Variants in GNPAT observed in about 807,000 individuals in gnomAD.
GNPAT encodes glyceronephosphate O-acyltransferase.
A neutral mutation model predicts 78.4 loss-of-function variants in GNPAT; 30 were observed. That is an observed-to-expected ratio of 0.38 (90% CI 0.29 to 0.52). GNPAT has a LOEUF of 0.52. Ranked by LOEUF, GNPAT falls within the 20% of genes least tolerant of loss-of-function variation. The pLI is 0.84. For synonymous variants in GNPAT, 271 were observed against 281.1 expected, an observed-to-expected ratio of 0.96 and a Z score of 0.36; for missense variants, 714 against 812.2, an observed-to-expected ratio of 0.88 and a Z score of 1.47.
chr1:231,247,591 G>A (rs959321200), intron 1 of GNPAT, among the ~76,000 whole-genome samples: 4 of 152,162 alleles, frequency 2.6e-5, no homozygotes, highest in Non-Finnish European at 4.4e-5. Flanking sequence ...AGTGCGGAAG[G>A]AGCATTTGTA....
chr1:231,255,410 C>A (rs1409450795), intron 2 of GNPAT, among the ~76,000 whole-genome samples: 1 of 152,078 alleles, frequency 6.6e-6, no homozygotes, highest in East Asian at 1.9e-4. Context: ...CCTCTCTCCT[C>A]CTCTTTTAAG....
intron 4 of GNPAT, among the ~76,000 whole-genome samples, chr1:231,263,412 CTG>C (rs1263272416): frequency 6.6e-6 from 1 of 152,120 alleles, no homozygotes; most frequent in African/African-American, 2.4e-5. Context: ...CTTTCTGTCT[CTG>C]TGAACTACTC....
chr1:231,273,494 G>A (rs1011184970), intron 11 of GNPAT, among the ~76,000 whole-genome samples: 1 of 151,938 alleles, frequency 6.6e-6, no homozygotes, highest in East Asian at 1.9e-4. Context: ...TTCATGATCC[G>A]CCCGCCTCAG....
At position 231,267,629 on chromosome 1, in the gene GNPAT, T is replaced by G. The variant is rs767246197; in HGVS notation, c.1056-51T>G. 6.8e-6 allele frequency: 7 copies of G among 1,033,920 alleles called. No individual in the cohort carries two copies. In the South Asian group the frequency reaches 8.8e-5, roughly 13 times the overall value. 64.0% of individuals were successfully genotyped at this position (1,033,920 alleles called of 1,614,324 possible). A position where few individuals can be genotyped will look rare whatever the true frequency, so the allele number is the denominator to read the frequency against. ...CGTCTAGAGTCTTTTTCCATCCCCA[T>G]TTGTCTAAGTAACAGAACTGTAATT... On this transcript the variant is annotated intron_variant, in intron 8 of 15. Coordinates refer to ENST00000366647, the MANE Select transcript of GNPAT (RefSeq NM_014236.4).
chr1:231,270,092 A>G (rs1386987739), intron 9 of GNPAT: 1 of 154,570 alleles, frequency 6.5e-6, no homozygotes. Context: ...GCTCAGGTTA[A>G]CTGCAGAATA....
chr1:231,274,163 C>T, intron 12 of GNPAT, 101 bp downstream of exon 12: 2 of 1,035,940 alleles, frequency 1.9e-6, no homozygotes, highest in Non-Finnish European at 3.0e-6. Flanking sequence ...AGGTATCTTC[C>T]CCAGGCAAAT....
intron 1 of GNPAT, among the ~76,000 whole-genome samples, chr1:231,247,202 G>A (rs561660178): frequency 5.9e-5 from 9 of 152,132 alleles, no homozygotes; most frequent in African/African-American, 2.2e-4. Flanking sequence ...TCGGGTAAGG[G>A]CCAGAATGGG....
chr1:231,277,150 T>C (rs1685740822), intron 15 of GNPAT, among the ~76,000 whole-genome samples: 1 of 152,190 alleles, frequency 6.6e-6, no homozygotes, highest in African/African-American at 2.4e-5. Flanking sequence ...AAGAGGTGCA[T>C]ATACCTAAAA....
chr1:231,248,577 AAAACTT>A (rs1445568057), intron 1 of GNPAT, among the ~76,000 whole-genome samples: 5 of 152,140 alleles, frequency 3.3e-5, no homozygotes, highest in Admixed American at 1.3e-4. Flanking sequence ...GAAAAAAAAA[AAAACTT>A]AAATGTAAAA....
At chr1:231,250,253 A>C (rs968040207) in intron 1 of GNPAT, among the ~76,000 whole-genome samples, 1 of 151,936 alleles carries the variant, frequency 6.6e-6, no homozygotes, top group Non-Finnish European at 1.5e-5. Context: ...ATGCCCAGCC[A>C]AGACTGTCTC....
intron 2 of GNPAT, chr1:231,258,423 CCT>C (rs1424296060): frequency 2.0e-5 from 3 of 152,144 alleles, no homozygotes; most frequent in Non-Finnish European, 2.9e-5. Flanking sequence ...TAGCCACACC[CCT>C]GTGGTCGGAA....
At chr1:231,277,202 T>TA (rs1685742709) in intron 15 of GNPAT, among the ~76,000 whole-genome samples, 1 of 152,168 alleles carries the variant, frequency 6.6e-6, no homozygotes, top group Non-Finnish European at 1.5e-5. Flanking sequence ...CGGAATCAAT[T>TA]ACTTAATCAC....
At chr1:231,267,636 A>G in intron 8 of GNPAT, 44 bp from the exon 9 acceptor site, 5 of 1,091,206 alleles carry the variant, frequency 4.6e-6, no homozygotes, top group Non-Finnish European at 7.1e-6. Context: ...CCATTTGTCT[A>G]AGTAACAGAA....
rs1001626197 is a variant in GNPAT, at chr1:231,270,979, A to G, written c.1501A>G (p.Met501Val). ...ATCCTTAGTAGCAGTAGCATTGCAG[A>G]TGACACCAGGGTTCAGGAAAGGTAA... Reference protein sequence around the residue: ...RPSLVAVALQMTPGFRKEDVY... With the variant: ...RPSLVAVALQVTPGFRKEDVY... The change falls in exon 10 of 16, where the codon ATG becomes GTG. Residue 501 changes from methionine to valine, a missense_variant. By Grantham distance (21) the Met-to-Val change is conservative. Transcript: ENST00000366647. The G allele has an allele frequency of 2.5e-6, 4 of 1,614,182 alleles. No individual in the cohort carries two copies. Among genetic ancestry groups the G allele is most frequent in the Admixed American group, 3.3e-5 (2 of 60,026 alleles).
At chr1:231,255,556 T>C (rs1685029997) in intron 2 of GNPAT, among the ~76,000 whole-genome samples, 1 of 152,204 alleles carries the variant, frequency 6.6e-6, no homozygotes, top group Non-Finnish European at 1.5e-5. Context: ...CCTAAGTAGC[T>C]TGAACCCCAG....
intron 2 of GNPAT, among the ~76,000 whole-genome samples, chr1:231,259,837 A>G (rs909479924): frequency 2.6e-5 from 4 of 152,272 alleles, no homozygotes; most frequent in Admixed American, 2.6e-4. Context: ...ACTTCATTTC[A>G]AAGTGCTTGT....
At chr1:231,242,268 T>G (rs945656772) in intron 1 of GNPAT, among the ~76,000 whole-genome samples, 4 of 152,220 alleles carry the variant, frequency 2.6e-5, no homozygotes, top group African/African-American at 9.6e-5. Context: ...TTAGCTACTT[T>G]AGGAGAAAAT....
intron 2 of GNPAT, among the ~76,000 whole-genome samples, chr1:231,260,287 C>CTA (rs1259174125): frequency 1.3e-5 from 2 of 152,084 alleles, no homozygotes; most frequent in Non-Finnish European, 2.9e-5. Context: ...AAATGCTATC[C>CTA]TAGAAAGCCA....
chr1:231,244,250 A>G (rs1684691869), intron 1 of GNPAT, among the ~76,000 whole-genome samples: 1 of 152,206 alleles, frequency 6.6e-6, no homozygotes, highest in Non-Finnish European at 1.5e-5. Flanking sequence ...TGTTTTGCCT[A>G]AGTAGAGACT....
Sources: allele counts gnomAD v4.1 joint callset (sites outside exome capture counted in the v4.1 genomes callset), GRCh38; gene constraint gnomAD v4.1.1; transcripts MANE v1.5; gene names NCBI Gene and HGNC (gene_info 2026-07-23, HGNC 2026-07-21).